RNGTT: variants seen among roughly 807,000 people sequenced by gnomAD.
RNGTT encodes the protein RNA guanylyltransferase and 5'-phosphatase.
In RNGTT, 33 loss-of-function variants were observed where a neutral mutation model predicts 79.3. The ratio of observed to expected loss-of-function variants is 0.42; its 90% CI spans 0.32 to 0.56. The LOEUF is 0.56. Among genes scored for constraint, RNGTT ranks in the 20% least tolerant of loss-of-function variants. The pLI is 0.17. For missense variants in RNGTT, 497 were observed against 739.1 expected, an observed-to-expected ratio of 0.67 and a Z score of 3.80; for synonymous variants, 222 against 235.9, an observed-to-expected ratio of 0.94 and a Z score of 0.54.
At chr6:88,895,762 G>C (rs1255007370) in intron 6 of RNGTT, among the ~76,000 whole-genome samples, 1 of 152,114 alleles carries the variant, frequency 6.6e-6, no homozygotes, top group Non-Finnish European at 1.5e-5. Flanking sequence ...AATTATATCT[G>C]TGCTTCTCAT....
chr6:88,718,382 C>T (rs1368845641), intron 13 of RNGTT, among the ~76,000 whole-genome samples: 5 of 143,110 alleles, frequency 3.5e-5, no homozygotes, highest in African/African-American at 7.9e-5. Context: ...GTGAGACTGT[C>T]TCTCAAAAAA....
intron 13 of RNGTT, among the ~76,000 whole-genome samples, chr6:88,715,395 G>A (rs987003813): frequency 2.0e-5 from 3 of 151,998 alleles, no homozygotes; most frequent in Admixed American, 2.0e-4. Flanking sequence ...ACTGCCCAAG[G>A]TAATTTATAG....
At chr6:88,829,243 T>C (rs1428631523) in intron 11 of RNGTT, among the ~76,000 whole-genome samples, 7 of 152,148 alleles carry the variant, frequency 4.6e-5, no homozygotes, top group Non-Finnish European at 1.0e-4. Context: ...AAGGAAAGAA[T>C]TTTCAACCCA....
intron 12 of RNGTT, among the ~76,000 whole-genome samples, chr6:88,799,614 C>A (rs1437762639): frequency 6.6e-6 from 1 of 150,964 alleles, no homozygotes; most frequent in African/African-American, 2.5e-5. Flanking sequence ...GCAGGAGAAT[C>A]CCTTGAGCCC....
In RNGTT at chr6:88,718,407, G is replaced by GA. The variant is rs534573910; in HGVS notation, c.1440-39989dup. On this transcript the variant is annotated intron_variant, in intron 13 of 15. Coordinates refer to ENST00000369485, the MANE Select transcript of RNGTT (RefSeq NM_003800.5). Reference sequence around the variant, plus strand: ...CTCTCAAAAAAAAAAAAAAAGAAAGGAAAAAAAAGTACTGTTTATAGAGCT... The same window carrying GA: ...CTCTCAAAAAAAAAAAAAAAGAAAGGAAAAAAAAAGTACTGTTTATAGAGCT... Among the ~76,000 whole-genome samples the GA allele has an allele frequency of 4.0e-3, 599 of 150,304 alleles. 5 individuals are homozygous for GA. Among genetic ancestry groups the GA allele is most frequent in the African/African-American group, 0.013 (520 of 40,946 alleles).
intron 2 of RNGTT, among the ~76,000 whole-genome samples, chr6:88,933,075 C>G (rs1784558078): frequency 6.6e-6 from 1 of 152,124 alleles, no homozygotes; most frequent in South Asian, 2.1e-4. Context: ...TCCCTCTTTC[C>G]CCCTTGGGTC....
At chr6:88,857,168 A>G (rs1383724156) in intron 8 of RNGTT, among the ~76,000 whole-genome samples, 2 of 152,142 alleles carry the variant, frequency 1.3e-5, no homozygotes, top group Non-Finnish European at 1.5e-5. Context: ...TAATTAAGTA[A>G]AACAACCAAA....
chr6:88,921,996 G>A (rs1044159476), intron 4 of RNGTT, among the ~76,000 whole-genome samples: 9 of 151,966 alleles, frequency 5.9e-5, no homozygotes, highest in African/African-American at 2.2e-4. Context: ...TGGTATCTGA[G>A]GGGGATCCTA....
At chr6:88,653,112 A>C (rs1773856471) in intron 14 of RNGTT, among the ~76,000 whole-genome samples, 1 of 152,198 alleles carries the variant, frequency 6.6e-6, no homozygotes, top group Non-Finnish European at 1.5e-5. Flanking sequence ...TAAGAGAACT[A>C]CTTCTTTTTA....
rs190061912 is a variant in RNGTT, at chr6:88,629,076, A to C, written c.1507-14681T>G. 5.3e-5 allele frequency among the ~76,000 whole-genome samples: 8 copies of C among 152,272 alleles called. No homozygotes were observed. In the East Asian group the frequency reaches 9.6e-4, roughly 18 times the overall value. On this transcript the variant is annotated intron_variant, in intron 14 of 15. Coordinates refer to ENST00000369485, the MANE Select transcript of RNGTT (RefSeq NM_003800.5). ...GTTGGTCAATACTAGTTTGGAGAAA[A>C]GGGGTCTGGAAAGAAGATAGGACAA... is the stretch of plus-strand genomic sequence containing the variant.
chr6:88,861,752 C>G (rs935401869), intron 8 of RNGTT, among the ~76,000 whole-genome samples: 3 of 152,106 alleles, frequency 2.0e-5, no homozygotes, highest in African/African-American at 7.2e-5. Context: ...CCTTTCACAA[C>G]CTCCTTATAT....
At chr6:88,789,506 G>A (rs1779335795) in intron 12 of RNGTT, among the ~76,000 whole-genome samples, 3 of 152,202 alleles carry the variant, frequency 2.0e-5, no homozygotes, top group Non-Finnish European at 4.4e-5. Context: ...GTTGCAGTGA[G>A]CCGAGATTGC....
chr6:88,792,782 C>T (rs540542370), intron 12 of RNGTT, among the ~76,000 whole-genome samples: 1 of 152,058 alleles, frequency 6.6e-6, no homozygotes, highest in South Asian at 2.1e-4. Context: ...GCAGGAGAAT[C>T]GGAGGTTGAA....
intron 11 of RNGTT, among the ~76,000 whole-genome samples, chr6:88,825,342 G>A (rs1355114732): frequency 1.3e-5 from 2 of 152,196 alleles, no homozygotes; most frequent in African/African-American, 4.8e-5. Flanking sequence ...TACCACATGG[G>A]TGGAGGTACA....
intron 8 of RNGTT, among the ~76,000 whole-genome samples, chr6:88,866,623 A>G (rs758399683): frequency 5.3e-5 from 8 of 152,214 alleles, no homozygotes; most frequent in Non-Finnish European, 1.2e-4. Context: ...TCTAAAGTCC[A>G]GAAAGTAAGG....
intron 14 of RNGTT, among the ~76,000 whole-genome samples, chr6:88,668,082 C>T (rs1774485651): frequency 6.6e-6 from 1 of 152,174 alleles, no homozygotes; most frequent in Non-Finnish European, 1.5e-5. Flanking sequence ...ACAATTTCAG[C>T]TTGGGTAAAT....
intron 13 of RNGTT, among the ~76,000 whole-genome samples, chr6:88,722,467 G>A (rs1582382114): frequency 6.6e-6 from 1 of 152,166 alleles, no homozygotes; most frequent in East Asian, 1.9e-4. Context: ...CACAGGAGAA[G>A]AGAAAGAATC....
intron 14 of RNGTT, among the ~76,000 whole-genome samples, chr6:88,633,079 C>T (rs1772963952): frequency 1.3e-5 from 2 of 152,168 alleles, no homozygotes; most frequent in African/African-American, 2.4e-5. Context: ...TTTTTCTCTA[C>T]AGAACTGAGT....
chr6:88,714,660 T>C (rs1159860343), intron 13 of RNGTT, among the ~76,000 whole-genome samples: 3 of 91,198 alleles, frequency 3.3e-5, no homozygotes, highest in Admixed American at 1.8e-4. Flanking sequence ...GCCGGGATGG[T>C]CTCGATCTCC....
Sources: allele counts gnomAD v4.1 joint callset (sites outside exome capture counted in the v4.1 genomes callset), GRCh38; gene constraint gnomAD v4.1.1; transcripts MANE v1.5; gene names NCBI Gene and HGNC (gene_info 2026-07-23, HGNC 2026-07-21).